The following BCAS3 variants were observed in gnomAD, a reference collection of about 807,000 sequenced individuals.
BCAS3 encodes BCAS3 microtubule associated cell migration factor.
A neutral mutation model predicts 116.1 loss-of-function variants in BCAS3; 53 were observed. The observed-to-expected ratio is 0.46, with a 90% CI of 0.37 to 0.57. The LOEUF is 0.57. Ranked by LOEUF, BCAS3 falls within the 20% of genes least tolerant of loss-of-function variation. The pLI, the probability that BCAS3 is intolerant of heterozygous loss-of-function variation, is 0.00. For synonymous variants in BCAS3, 391 were observed against 408.2 expected, an observed-to-expected ratio of 0.96 and a Z score of 0.51; for missense variants, 917 against 1,165.4, an observed-to-expected ratio of 0.79 and a Z score of 3.10.
intron 14 of BCAS3, among the ~76,000 whole-genome samples, chr17:60,950,147 A>G (rs965934833): frequency 2.6e-5 from 4 of 152,008 alleles, no homozygotes; most frequent in South Asian, 4.1e-4. Context: ...TAGATATTAT[A>G]TAGATAATAT....
intron 15 of BCAS3, among the ~76,000 whole-genome samples, chr17:61,006,313 C>T (rs2064706938): frequency 6.6e-6 from 1 of 151,984 alleles, no homozygotes; most frequent in African/African-American, 2.4e-5. Context: ...TTTGAGTTCT[C>T]CAGATCTAAG....
chr17:61,103,668 C>G (rs548677425), intron 22 of BCAS3, among the ~76,000 whole-genome samples: 23 of 152,292 alleles, frequency 1.5e-4, no homozygotes, highest in African/African-American at 5.3e-4. Context: ...TTCACTCCAT[C>G]TTACTCTGTC....
chr17:61,263,014 C>A (rs532855366), intron 22 of BCAS3, among the ~76,000 whole-genome samples: 2 of 152,166 alleles, frequency 1.3e-5, no homozygotes, highest in Non-Finnish European at 2.9e-5. Flanking sequence ...TATTTAAAGG[C>A]TGTCAATTAT....
In BCAS3 at chr17:60,910,581, C is replaced by T. The variant is rs779084599; in HGVS notation, c.872C>T (p.Thr291Ile). ...GTAGGGAAAGTGGTGACTCAGCTGACAGGCACACTGCCTTCAGGTGTGACA... is the reference window on the plus strand; with the variant it reads ...GTAGGGAAAGTGGTGACTCAGCTGATAGGCACACTGCCTTCAGGTGTGACA... ...TMVGKVVTQL[T>I]GTLPSGVTED... Residue 291 changes from threonine (T) to isoleucine (I), a missense_variant, in exon 12 of 24, where the codon ACA (threonine) becomes ATA (isoleucine). Transcript: ENST00000407086. 2.5e-6 allele frequency: 4 copies of T among 1,611,338 alleles called. No individual in the cohort carries two copies. Among genetic ancestry groups the T allele is most frequent in the Non-Finnish European group, 3.4e-6 (4 of 1,178,814 alleles).
chr17:61,022,629 C>T (rs1395153518), intron 16 of BCAS3, among the ~76,000 whole-genome samples: 1 of 151,996 alleles, frequency 6.6e-6, no homozygotes, highest in Non-Finnish European at 1.5e-5. Flanking sequence ...TTTTTTGCCA[C>T]ATATAACAGA....
intron 11 of BCAS3, among the ~76,000 whole-genome samples, chr17:60,905,364 T>C (rs74700189): frequency 6.6e-6 from 1 of 152,204 alleles, no homozygotes; most frequent in Non-Finnish European, 1.5e-5. Flanking sequence ...AATTATATGC[T>C]TATCACAATA....
At chr17:60,958,422 G>A (rs185956963) in intron 14 of BCAS3, among the ~76,000 whole-genome samples, 34 of 152,226 alleles carry the variant, frequency 2.2e-4, no homozygotes, top group African/African-American at 7.7e-4. Context: ...ACAAAAATCA[G>A]TTGCATTTCT....
intron 23 of BCAS3, among the ~76,000 whole-genome samples, chr17:61,372,408 C>T (rs2059096941): frequency 1.3e-5 from 2 of 152,168 alleles, no homozygotes; most frequent in African/African-American, 2.4e-5. Flanking sequence ...TCTCTGCTTC[C>T]GTGTCTCCAA....
At chr17:61,112,751 C>T (rs1035911860) in intron 22 of BCAS3, among the ~76,000 whole-genome samples, 2 of 151,404 alleles carry the variant, frequency 1.3e-5, no homozygotes, top group African/African-American at 4.8e-5. Context: ...TAGACATCTA[C>T]AGAACTCTCC....
At chr17:60,825,281 C>A (rs2050285644) in intron 7 of BCAS3, among the ~76,000 whole-genome samples, 1 of 151,588 alleles carries the variant, frequency 6.6e-6, no homozygotes, top group Non-Finnish European at 1.5e-5. Context: ...CTACCTTATG[C>A]ACATTATTTC....
chr17:61,309,513 C>A lies in BCAS3; in HGVS notation c.2426-58814C>A, dbSNP rs566365502. ...TCCCGGCAATGCGGCCCTGACCCTT[C>A]CCTGCCTCACTTGCCCTCTACTTCC... On this transcript the variant is annotated intron_variant, in intron 22 of 23. Transcript: ENST00000407086. This position sits in a 1 kb window ranked among gnomAD's most constrained non-coding sequence, Gnocchi z 4.6. 2.6e-5 allele frequency among the ~76,000 whole-genome samples: 4 copies of A among 152,290 alleles called. No individual in the cohort carries two copies. The South Asian group carries it at 8.3e-4, about 32-fold the overall frequency.
chr17:61,331,989 T>C (rs2056332380), intron 22 of BCAS3, among the ~76,000 whole-genome samples: 1 of 152,220 alleles, frequency 6.6e-6, no homozygotes, highest in Non-Finnish European at 1.5e-5. Context: ...TGTTTCATCC[T>C]GTGCTGGTCT....
At chr17:61,238,156 G>A (rs963898865) in intron 22 of BCAS3, among the ~76,000 whole-genome samples, 5 of 151,884 alleles carry the variant, frequency 3.3e-5, no homozygotes, top group Admixed American at 1.3e-4. Flanking sequence ...GGGTTCAAGC[G>A]ATTTTCCTAC....
chr17:61,024,755 G>A (rs1471441151), intron 16 of BCAS3, among the ~76,000 whole-genome samples: 2 of 152,032 alleles, frequency 1.3e-5, no homozygotes, highest in Non-Finnish European at 2.9e-5. Context: ...TACAGGTAGG[G>A]AATATCAGAT....
In BCAS3 at chr17:61,088,802, G is replaced by A. The variant is rs555126705; in HGVS notation, c.2425+4238G>A. Among the ~76,000 whole-genome samples, 50 of 152,286 alleles carry A rather than the reference G, an allele frequency of 3.3e-4. 1 individual carries two copies. In the South Asian group the frequency reaches 6.8e-3, roughly 21 times the overall value. ...TTGAGATCGAAAGACAAACTTATGC[G>A]TGACTCATATGCAGAGCAGACATCT... On this transcript the variant is annotated intron_variant, in intron 22 of 23. Transcript: ENST00000407086. This position sits in a 1 kb window ranked among gnomAD's most constrained non-coding sequence, Gnocchi z 4.2.
chr17:61,263,201 G>A (rs1338818159), intron 22 of BCAS3, among the ~76,000 whole-genome samples: 1 of 152,206 alleles, frequency 6.6e-6, no homozygotes, highest in Non-Finnish European at 1.5e-5. Flanking sequence ...GAAACCAACA[G>A]GGGAAGGTGA....
At chr17:61,351,643 T>A (rs908380798) in intron 22 of BCAS3, among the ~76,000 whole-genome samples, 1 of 152,210 alleles carries the variant, frequency 6.6e-6, no homozygotes. Flanking sequence ...AGTTTCCCAC[T>A]CTCGATTGAG....
At chr17:61,121,103 G>A (rs1016186803) in intron 22 of BCAS3, among the ~76,000 whole-genome samples, 1 of 151,792 alleles carries the variant, frequency 6.6e-6, no homozygotes, top group Non-Finnish European at 1.5e-5. Flanking sequence ...TTTTTGTAAA[G>A]GTTTCATGGG....
At chr17:60,709,459 G>A (rs1039286425) in intron 5 of BCAS3, 134 bp downstream of exon 5, 3 of 553,294 alleles carry the variant, frequency 5.4e-6, no homozygotes, top group Non-Finnish European at 6.5e-6. Flanking sequence ...GTGCGATCTC[G>A]GCTCACTGCA....
Sources: allele counts gnomAD v4.1 joint callset (sites outside exome capture counted in the v4.1 genomes callset), GRCh38; gene constraint gnomAD v4.1.1; non-coding constraint Gnocchi (gnomAD v3.1); transcripts MANE v1.5; gene names NCBI Gene and HGNC (gene_info 2026-07-23, HGNC 2026-07-21).